MICU1: variants seen among roughly 807,000 people sequenced by gnomAD.
MICU1 encodes calcium uptake protein 1, mitochondrial.
In MICU1, 45 loss-of-function variants were observed where a neutral mutation model predicts 56.8. The ratio of observed to expected loss-of-function variants is 0.79; its 90% CI spans 0.62 to 1.02. The LOEUF is 1.02. Ranked by LOEUF, MICU1 falls within the 50% of genes least tolerant of loss-of-function variation. MICU1 has a pLI of 0.00. For missense variants in MICU1, 504 were observed against 587.1 expected (o/e 0.86, Z 1.46); for synonymous variants, 186 against 195.1 (o/e 0.95, Z 0.39).
intron 1 of MICU1, among the ~76,000 whole-genome samples, chr10:72,610,002 T>C (rs530765049): frequency 6.6e-6 from 1 of 150,724 alleles, no homozygotes; most frequent in South Asian, 2.1e-4. Flanking sequence ...ACCACTGCAC[T>C]CCAAGCCTGA....
At chr10:72,473,522 C>T (rs955808345) in intron 8 of MICU1, among the ~76,000 whole-genome samples, 6 of 152,098 alleles carry the variant, frequency 3.9e-5, no homozygotes, top group Admixed American at 6.5e-5. Context: ...GGGTGCAAAG[C>T]AGGAACCCAC....
At chr10:72,610,644 G>A (rs914008996) in intron 1 of MICU1, among the ~76,000 whole-genome samples, 3 of 152,110 alleles carry the variant, frequency 2.0e-5, no homozygotes, top group African/African-American at 7.2e-5. Context: ...CTTCAGCAGA[G>A]GAATACAACT....
chr10:72,372,517 C>T (rs1369536194), intron 11 of MICU1, among the ~76,000 whole-genome samples: 1 of 152,024 alleles, frequency 6.6e-6, no homozygotes, highest in Non-Finnish European at 1.5e-5. Context: ...ACAGAAAGTT[C>T]TAAACAGGAT....
At chr10:72,440,596 A>G (rs968075591) in intron 8 of MICU1, among the ~76,000 whole-genome samples, 1 of 152,218 alleles carries the variant, frequency 6.6e-6, no homozygotes. Context: ...AGAAACTACC[A>G]TCAGAGTGAA....
At chr10:72,591,663 T>G (rs1841228366) in intron 1 of MICU1, among the ~76,000 whole-genome samples, 1 of 152,130 alleles carries the variant, frequency 6.6e-6, no homozygotes, top group African/African-American at 2.4e-5. Flanking sequence ...GAAACTACCA[T>G]GATTAAATCA....
intron 9 of MICU1, among the ~76,000 whole-genome samples, chr10:72,409,948 C>A (rs1255200802): frequency 1.3e-5 from 2 of 152,186 alleles, no homozygotes; most frequent in Non-Finnish European, 2.9e-5. Flanking sequence ...CCTTCCTAAT[C>A]ATAAACTCCA....
chr10:72,543,119 T>C (rs945986506), intron 4 of MICU1, among the ~76,000 whole-genome samples: 2 of 152,166 alleles, frequency 1.3e-5, no homozygotes, highest in Non-Finnish European at 2.9e-5. Flanking sequence ...GCCACTGGAA[T>C]AGAAGTTCTC....
At chr10:72,390,645 G>A (rs1001347281) in intron 10 of MICU1, among the ~76,000 whole-genome samples, 1 of 152,188 alleles carries the variant, frequency 6.6e-6, no homozygotes, top group African/African-American at 2.4e-5. Context: ...GGCCTAGAAG[G>A]TGCCAATTTC....
chr10:72,573,709 C>T (rs1025758910), intron 1 of MICU1, among the ~76,000 whole-genome samples: 4 of 151,762 alleles, frequency 2.6e-5, no homozygotes, highest in African/African-American at 9.7e-5. Flanking sequence ...TTAATGCTCC[C>T]CTAGGGATTT....
At chr10:72,518,548 G>T (rs1372347672) in intron 5 of MICU1, among the ~76,000 whole-genome samples, 1 of 152,100 alleles carries the variant, frequency 6.6e-6, no homozygotes, top group Non-Finnish European at 1.5e-5. Flanking sequence ...GTGAGATTAG[G>T]TAATAAATTA....
intron 5 of MICU1, among the ~76,000 whole-genome samples, chr10:72,514,946 A>G (rs1193011209): frequency 6.6e-6 from 1 of 152,182 alleles, no homozygotes; most frequent in Non-Finnish European, 1.5e-5. Context: ...CCCAGCTGCT[A>G]CAGTATTATT....
intron 5 of MICU1, among the ~76,000 whole-genome samples, chr10:72,512,878 T>C (rs540031566): frequency 1.4e-4 from 21 of 152,152 alleles, no homozygotes; most frequent in East Asian, 9.7e-4. Flanking sequence ...GTAATTTTTG[T>C]ATTTTTTGTA....
chr10:72,407,715 C>T (rs993836128), intron 10 of MICU1, among the ~76,000 whole-genome samples: 1 of 152,134 alleles, frequency 6.6e-6, no homozygotes, highest in Non-Finnish European at 1.5e-5. Flanking sequence ...AGATAGGCAC[C>T]TGCCCAGACT....
In MICU1 at chr10:72,423,250, T is replaced by A; in HGVS notation, c.1055A>T (p.His352Leu). Reference sequence around the variant, plus strand: ...GCTACCTACCTTTCCTTCTTTGAAGTGCTTCTTGAGCTGCCTCTGCATGGC... The same window carrying A: ...GCTACCTACCTTTCCTTCTTTGAAGAGCTTCTTGAGCTGCCTCTGCATGGC... ...LTAMQRQLKK[H>L]FKEGKGLTFQ... The change falls in exon 9 of 12, where the codon CAC becomes CTC. Residue 352 changes from histidine to leucine, a missense_variant. His to Leu is a moderately conservative substitution (Grantham distance 99). Transcript: ENST00000361114. The A allele has an allele frequency of 6.2e-7, 1 of 1,613,628 alleles. No homozygotes were observed. The highest frequency in any genetic ancestry group is 8.5e-7 in the Non-Finnish European group (1 of 1,179,752).
chr10:72,477,264 G>A lies in MICU1; in HGVS notation c.653-8C>T, dbSNP rs544000785. ...CAAAATTTCTCTGAGGAGCTGCAGA[G>A]GAGAGAAAAAAAATATTTAGAAGGC... On this transcript the variant is annotated splice_region_variant and splice_polypyrimidine_tract_variant and intron_variant, in intron 6 of 11. Coordinates refer to ENST00000361114, the MANE Select transcript of MICU1 (RefSeq NM_001195518.2). The A allele has an allele frequency of 1.9e-4, 292 of 1,529,206 alleles. 2 individuals are homozygous for A. The South Asian group carries it at 3.1e-3, about 16-fold the overall frequency. The allele number at this position is 1,529,206 out of a possible 1,614,324, so 94.7% of individuals were successfully genotyped here.
intron 1 of MICU1, among the ~76,000 whole-genome samples, chr10:72,593,963 A>G (rs183778430): frequency 3.9e-5 from 6 of 152,360 alleles, no homozygotes; most frequent in Admixed American, 1.3e-4. Context: ...TACAGATTCA[A>G]TGCAATCCCA....
chr10:72,470,706 A>AT (rs1419269674), intron 8 of MICU1, among the ~76,000 whole-genome samples: 2 of 147,866 alleles, frequency 1.4e-5, no homozygotes, highest in African/African-American at 5.3e-5. Flanking sequence ...ATGAACTTTG[A>AT]TCGGGGGGGG....
intron 1 of MICU1, among the ~76,000 whole-genome samples, chr10:72,611,425 A>G (rs573104626): frequency 6.6e-6 from 1 of 152,248 alleles, no homozygotes; most frequent in East Asian, 1.9e-4. Context: ...CAGCCTGGCC[A>G]ACATGGCGAA....
At chr10:72,466,411 T>C (rs1051245482) in intron 8 of MICU1, among the ~76,000 whole-genome samples, 1 of 152,130 alleles carries the variant, frequency 6.6e-6, no homozygotes, top group Non-Finnish European at 1.5e-5. Flanking sequence ...GAAAGAGAAA[T>C]TGCAGATAAG....
Sources: allele counts gnomAD v4.1 joint callset (sites outside exome capture counted in the v4.1 genomes callset), GRCh38; gene constraint gnomAD v4.1.1; transcripts MANE v1.5; gene names NCBI Gene and HGNC (gene_info 2026-07-23, HGNC 2026-07-21).